Variants in CCDC138 observed in about 807,000 individuals in gnomAD.
CCDC138 encodes the protein coiled-coil domain-containing protein 138.
A neutral mutation model predicts 82.3 loss-of-function variants in CCDC138; 66 were observed. The ratio of observed to expected loss-of-function variants is 0.80; its 90% confidence interval spans 0.66 to 0.98. CCDC138 has a LOEUF of 0.98. Among genes scored for constraint, CCDC138 ranks in the 50% least tolerant of loss-of-function variants. The pLI is 0.00. For synonymous variants in CCDC138, 297 were observed against 265.4 expected (o/e 1.12, Z -1.16); for missense variants, 816 against 758.9 (o/e 1.08, Z -0.88).
intron 14 of CCDC138, among the ~76,000 whole-genome samples, chr2:108,875,442 C>T (rs1344673986): frequency 6.6e-6 from 1 of 151,994 alleles, no homozygotes; most frequent in Admixed American, 6.6e-5. Context: ...CAATATTCTG[C>T]CACTTTAAAA....
chr2:108,868,570 C>G (rs1180468656), intron 13 of CCDC138, among the ~76,000 whole-genome samples: 1 of 152,136 alleles, frequency 6.6e-6, no homozygotes, highest in Non-Finnish European at 1.5e-5. Flanking sequence ...TCTCCTCCAG[C>G]CTTTCATTGC....
chr2:108,873,288 A>T, intron 13 of CCDC138, 163 bp from the exon 14 acceptor site: 1 of 245,816 alleles, frequency 4.1e-6, no homozygotes, highest in Non-Finnish European at 5.5e-6. Flanking sequence ...TGGATGTTTT[A>T]ATTTTTCAAA....
intron 4 of CCDC138, among the ~76,000 whole-genome samples, chr2:108,793,493 T>G (rs1680293621): frequency 6.6e-6 from 1 of 152,206 alleles, no homozygotes; most frequent in South Asian, 2.1e-4. Flanking sequence ...ACAGCCACTT[T>G]GGAAAACAAT....
Position 108,835,408 on chromosome 2 carries a change from C to G in CCDC138, c.1207-3777C>G, listed in dbSNP as rs545487579. On this transcript the variant is annotated intron_variant, in intron 10 of 14. Coordinates refer to ENST00000295124, the MANE Select transcript of CCDC138 (RefSeq NM_144978.3). ...GTTAGGGCCAGTAAGGATATTAATC[C>G]TCTATTTCTAATAAAAAAATTCATG... 1.1e-4 allele frequency among the ~76,000 whole-genome samples: 16 copies of G among 152,158 alleles called. No individual in the cohort carries two copies. In the South Asian group the frequency reaches 2.9e-3, roughly 28 times the overall value.
chr2:108,873,454 C>G lies in CCDC138; in HGVS notation c.1697C>G (p.Ser566Cys), dbSNP rs1376473767. Residue 566 changes from serine (S) to cysteine (C), a missense_variant, in exon 14 of 15, where the codon TCC becomes TGC. Physicochemically the swap from Ser to Cys is moderately radical, Grantham distance 112. Coordinates refer to ENST00000295124, the MANE Select transcript of CCDC138 (RefSeq NM_144978.3). ...GCACTGTTGATTTGTTTTGCAGAAT[C>G]CTTGCAGCCTTTCCTGGAAGCCTGT... is the stretch of plus-strand genomic sequence containing the variant. ...SLLQMTVESK[S>C]LQPFLEACSN... The G allele has an allele frequency of 1.3e-6, 2 of 1,589,706 alleles. No individual in the cohort carries two copies. The highest frequency in any genetic ancestry group is 8.5e-7 in the Non-Finnish European group (1 of 1,170,956).
chr2:108,881,592 C>T (rs370236785), intron 1 of CCDC138, among the ~76,000 whole-genome samples: 1 of 152,200 alleles, frequency 6.6e-6, no homozygotes, highest in East Asian at 1.9e-4. Context: ...CTAAACCCAA[C>T]CATTTCTAGC....
At position 108,812,844 on chromosome 2, in the gene CCDC138, C is replaced by A. The variant is rs1345656399; in HGVS notation, c.958C>A (p.Gln320Lys). 6.2e-7 allele frequency: 1 copy of A among 1,612,604 alleles called. No homozygotes were observed. Among genetic ancestry groups the A allele is most frequent in the Non-Finnish European group, 8.5e-7 (1 of 1,178,954 alleles). Reference protein sequence around the residue: ...LQRKYEFMTIQRLKGSSHAVH... With the variant: ...LQRKYEFMTIKRLKGSSHAVH... ...GAGGAAGTACGAGTTTATGACAATA[C>A]AGAGATTGAAAGGAAGTTCCCATGC... The change falls in exon 9 of 15, where the codon CAG becomes AAG. Residue 320 changes from glutamine to lysine, a missense_variant. Gln to Lys is a moderately conservative substitution (Grantham distance 53, BLOSUM62 1). Coordinates refer to ENST00000295124, the MANE Select transcript of CCDC138 (RefSeq NM_144978.3).
In CCDC138 at chr2:108,876,326, A is replaced by G. The variant is rs1574344563; in HGVS notation, c.*73A>G. On this transcript the variant is annotated 3_prime_UTR_variant, in exon 15 of 15. Transcript: ENST00000295124. ...TGTAGAAATTACCAAAGTAACTACA[A>G]TTCTACCAAGTAAAGTTATCAGTAG... 6 of 834,148 alleles carry G rather than the reference A, an allele frequency of 7.2e-6. No homozygotes were observed. Among genetic ancestry groups the G allele is most frequent in the Non-Finnish European group, 1.1e-5 (6 of 549,858 alleles). The allele number at this position is 834,148 out of a possible 1,614,324, so 51.7% of individuals were successfully genotyped here.
At chr2:108,790,521 G>A (rs1295871633) in intron 3 of CCDC138, among the ~76,000 whole-genome samples, 1 of 152,100 alleles carries the variant, frequency 6.6e-6, no homozygotes, top group African/African-American at 2.4e-5. Context: ...TATACACACT[G>A]GCTTTCTAAG....
At chr2:108,841,634 G>T in intron 11 of CCDC138, among the ~76,000 whole-genome samples, 1 of 151,940 alleles carries the variant, frequency 6.6e-6, no homozygotes, top group African/African-American at 2.4e-5. Context: ...CTTATATCTA[G>T]AATGAGTTTT....
At chr2:108,870,364 G>A (rs541871909) in intron 13 of CCDC138, among the ~76,000 whole-genome samples, 31 of 152,172 alleles carry the variant, frequency 2.0e-4, no homozygotes, top group Non-Finnish European at 3.7e-4. Flanking sequence ...AAGGACTTAC[G>A]CAGTACCATC....
At chr2:108,831,811 C>T (rs938928132) in intron 10 of CCDC138, among the ~76,000 whole-genome samples, 2 of 152,044 alleles carry the variant, frequency 1.3e-5, no homozygotes, top group African/African-American at 4.8e-5. Context: ...CGGCCCACTG[C>T]AACTACTGCC....
At chr2:108,791,002 T>TA (rs1462839994) in intron 3 of CCDC138, among the ~76,000 whole-genome samples, 12 of 152,268 alleles carry the variant, frequency 7.9e-5, no homozygotes, top group African/African-American at 2.6e-4. Flanking sequence ...GCTCAAGAGA[T>TA]ACTCCCACTT....
chr2:108,791,702 T>C lies in CCDC138; in HGVS notation c.294T>C (p.His98=). The C allele has an allele frequency of 6.2e-7, 1 of 1,608,044 alleles. No homozygotes were observed. Among genetic ancestry groups the C allele is most frequent in the South Asian group, 1.1e-5 (1 of 89,994 alleles). ...TAGATGATGAACTGGATTCTTTCCA[T>C]GATTTGAAGAAACAGGAAACAGAAG... ...NCLDDELDSF[H]DLKKQETEEE... is the part of the protein sequence containing the mutation. The change falls in exon 4 of 15, where the codon CAT becomes CAC. Residue 98 remains histidine, a synonymous_variant. Coordinates refer to ENST00000295124, the MANE Select transcript of CCDC138 (RefSeq NM_144978.3).
At chr2:108,798,676 T>C in intron 6 of CCDC138, 90 bp downstream of exon 6, 1 of 976,124 alleles carries the variant, frequency 1.0e-6, no homozygotes, top group Non-Finnish European at 1.5e-6. Flanking sequence ...CATTTGCTTA[T>C]TTCTCCTTCC....
chr2:108,855,450 G>A (rs1692420801), intron 12 of CCDC138, among the ~76,000 whole-genome samples: 1 of 151,660 alleles, frequency 6.6e-6, no homozygotes, highest in Non-Finnish European at 1.5e-5. Context: ...TTGCGTTCAG[G>A]CTTCATCTGT....
At chr2:108,862,975 T>C (rs945905901) in intron 13 of CCDC138, among the ~76,000 whole-genome samples, 4 of 152,180 alleles carry the variant, frequency 2.6e-5, no homozygotes, top group African/African-American at 7.2e-5. Flanking sequence ...TAACAAAGAA[T>C]CATCAAAAAC....
rs760413418 is a variant in CCDC138 at position 108,788,852 on chromosome 2, G to A, written c.152G>A (p.Gly51Asp). 2 of 1,614,016 alleles carry A rather than the reference G, an allele frequency of 1.2e-6. No homozygotes were observed. Among genetic ancestry groups the A allele is most frequent in the Middle Eastern group, 1.7e-4 (1 of 6,056 alleles). ...KYKRRTLTSPGDLDIYSGDKV... is the reference protein window; with the variant it reads ...KYKRRTLTSPDDLDIYSGDKV... The stretch of plus-strand genomic sequence containing the variant: ...TTCATGGTTTCTTTGTCGTTGACAG[G>A]TGATTTGGATATCTACTCTGGAGAT... The change falls in exon 3 of 15, where the codon GGT (glycine) becomes GAT (aspartate). Residue 51 changes from glycine to aspartate, a missense_variant and splice_region_variant. Physicochemically the swap from Gly to Asp is moderately conservative, Grantham distance 94. Transcript: ENST00000295124.
In CCDC138 at chr2:108,852,171, A is replaced by G. The variant is rs138071475; in HGVS notation, c.1517-4623A>G. Among the ~76,000 whole-genome samples the G allele has an allele frequency of 2.4e-3, 369 of 152,360 alleles. 5 individuals are homozygous for G. Among genetic ancestry groups the G allele is most frequent in the African/African-American group, 8.6e-3 (357 of 41,594 alleles). ...CAATATTATTATTGTAATTTTACAA[A>G]TGAGGAAATTGAGGCATAAAAAAGT... is the stretch of plus-strand genomic sequence containing the variant. On this transcript the variant is annotated intron_variant, in intron 12 of 14. Transcript: ENST00000295124.
Sources: gnomAD v4.1 joint callset for allele counts (sites outside exome capture counted in the v4.1 genomes callset) on GRCh38, gnomAD v4.1.1 for gene constraint, MANE v1.5 for transcripts, NCBI Gene and HGNC (gene_info 2026-07-23, HGNC 2026-07-21) for gene names.